The following AGMO variants were observed in gnomAD, a reference collection of about 807,000 sequenced individuals.
The protein encoded by AGMO is glyceryl-ether monooxygenase.
In AGMO, 75 loss-of-function variants were observed where a neutral mutation model predicts 60.2. The observed-to-expected ratio is 1.25, with a 90% CI of 1.03 to 1.51. The LOEUF is 1.51. AGMO is among the 40% of genes most tolerant of loss of function. The pLI is 0.00. For missense variants in AGMO, 763 were observed against 525.5 expected, an observed-to-expected ratio of 1.45 and a Z score of -4.42; for synonymous variants, 261 against 177.1, an observed-to-expected ratio of 1.47 and a Z score of -3.76.
chr7:15,164,097 AC>A, the AGMO span, among the ~76,000 whole-genome samples: 3 of 152,178 alleles, frequency 2.0e-5, no homozygotes, highest in Non-Finnish European at 4.4e-5. Context: ...AAAACCACAT[AC>A]TTACAACCAA....
At chr7:15,241,469 A>C (rs1307165347) in intron 12 of AGMO, among the ~76,000 whole-genome samples, 1 of 114,092 alleles carries the variant, frequency 8.8e-6, no homozygotes, top group African/African-American at 3.0e-5. Context: ...CAAAAAAAAA[A>C]AAAAAAAAAA....
intron 10 of AGMO, among the ~76,000 whole-genome samples, chr7:15,373,121 A>G (rs962534695): frequency 6.6e-6 from 1 of 152,020 alleles, no homozygotes; most frequent in Non-Finnish European, 1.5e-5. Flanking sequence ...AAAATAATAC[A>G]AAAATTATCT....
At chr7:15,529,161 T>C (rs1262615774) in intron 3 of AGMO, among the ~76,000 whole-genome samples, 1 of 152,078 alleles carries the variant, frequency 6.6e-6, no homozygotes, top group East Asian at 1.9e-4. Context: ...AATCGATTTA[T>C]TGCTCAATTT....
chr7:15,344,748 C>A (rs73064549), intron 12 of AGMO, among the ~76,000 whole-genome samples: 70,039 of 152,008 alleles, frequency 0.46, 17,350 homozygotes, highest in African/African-American at 0.66. Context: ...TCTTTGCTCT[C>A]AAGAGAAGAC....
chr7:15,129,484 T>C, the AGMO span, among the ~76,000 whole-genome samples: 1 of 152,158 alleles, frequency 6.6e-6, no homozygotes, highest in South Asian at 2.1e-4. Flanking sequence ...AGGCAACTCA[T>C]TCTGACCAAT....
At chr7:15,527,003 G>A (rs1324841689) in intron 3 of AGMO, among the ~76,000 whole-genome samples, 2 of 152,068 alleles carry the variant, frequency 1.3e-5, no homozygotes, top group African/African-American at 4.8e-5. Context: ...CTTACCTGCA[G>A]TTCCCCTGTC....
At chr7:15,201,455 AT>A in intron 12 of AGMO, 96 bp from the exon 13 acceptor site, 1 of 856,042 alleles carries the variant, frequency 1.2e-6, no homozygotes, top group Non-Finnish European at 1.8e-6. Flanking sequence ...GAAAATGAAC[AT>A]GGACATTTTA....
At chr7:15,413,394 A>G (rs1780670166) in intron 5 of AGMO, among the ~76,000 whole-genome samples, 1 of 152,174 alleles carries the variant, frequency 6.6e-6, no homozygotes, top group African/African-American at 2.4e-5. Flanking sequence ...GGGAGTAGAA[A>G]GAGAAAAGGA....
chr7:15,494,670 C>G (rs1245448179), intron 3 of AGMO, among the ~76,000 whole-genome samples: 1 of 152,150 alleles, frequency 6.6e-6, no homozygotes. Context: ...ATAGTTATGT[C>G]AATAAATGGC....
chr7:15,487,132 G>T (rs552610977), intron 3 of AGMO, among the ~76,000 whole-genome samples: 1 of 152,150 alleles, frequency 6.6e-6, no homozygotes, highest in Non-Finnish European at 1.5e-5. Context: ...TTGGGTGAAA[G>T]TTCCCTATCA....
chr7:15,464,011 A>G (rs1167104823), intron 3 of AGMO, among the ~76,000 whole-genome samples: 1 of 152,196 alleles, frequency 6.6e-6, no homozygotes, highest in African/African-American at 2.4e-5. Flanking sequence ...GAATCATGAG[A>G]AAGTTATTGA....
At chr7:15,174,198 G>A in the AGMO span, among the ~76,000 whole-genome samples, 1 of 151,856 alleles carries the variant, frequency 6.6e-6, no homozygotes, top group Admixed American at 6.6e-5. Flanking sequence ...ATGCAAATTA[G>A]ATATAAATAG....
At chr7:15,447,173 T>C (rs1004510716) in intron 3 of AGMO, among the ~76,000 whole-genome samples, 7 of 152,154 alleles carry the variant, frequency 4.6e-5, no homozygotes, top group African/African-American at 1.7e-4. Flanking sequence ...TCATTAAAAG[T>C]TTTCCTAAAA....
intron 5 of AGMO, among the ~76,000 whole-genome samples, chr7:15,414,581 T>C (rs941182616): frequency 5.3e-5 from 8 of 151,856 alleles, no homozygotes; most frequent in African/African-American, 1.9e-4. Context: ...CACTTCTGTC[T>C]TATACCATCT....
chr7:15,371,829 C>T (rs771710699), intron 10 of AGMO, among the ~76,000 whole-genome samples: 4 of 152,114 alleles, frequency 2.6e-5, no homozygotes, highest in East Asian at 1.9e-4. Flanking sequence ...TGAGCCACCA[C>T]ACCTCATCTA....
chr7:15,456,823 A>G (rs886713041), intron 3 of AGMO, among the ~76,000 whole-genome samples: 3 of 152,154 alleles, frequency 2.0e-5, no homozygotes, highest in Admixed American at 6.6e-5. Flanking sequence ...TGATTTAGCT[A>G]ACAAGTTTAA....
chr7:15,451,395 G>A (rs1241092054), intron 3 of AGMO, among the ~76,000 whole-genome samples: 4 of 151,974 alleles, frequency 2.6e-5, no homozygotes, highest in Admixed American at 6.6e-5. Flanking sequence ...AGACTAGTTG[G>A]GCTGCTATAA....
intron 10 of AGMO, among the ~76,000 whole-genome samples, chr7:15,381,437 A>C (rs1235157028): frequency 6.6e-6 from 1 of 152,084 alleles, no homozygotes; most frequent in Admixed American, 6.6e-5. Context: ...GTTCAACATC[A>C]CTGACTGTTA....
At chr7:15,338,298 G>A (rs1236361868) in intron 12 of AGMO, among the ~76,000 whole-genome samples, 1 of 152,054 alleles carries the variant, frequency 6.6e-6, no homozygotes, top group Non-Finnish European at 1.5e-5. Context: ...AAGAAAAGGT[G>A]AATTTTTACA....
Sources: allele counts gnomAD v4.1 joint callset (sites outside exome capture counted in the v4.1 genomes callset), GRCh38; gene constraint gnomAD v4.1.1; transcripts MANE v1.5; gene names NCBI Gene and HGNC (gene_info 2026-07-23, HGNC 2026-07-21).